Variants in MYO18B observed in about 807,000 individuals in gnomAD.
The protein encoded by MYO18B is myosin XVIIIB, also known as unconventional myosin-XVIIIb.
Under a neutral mutation model 273.0 loss-of-function variants are expected in MYO18B, and 204 were observed. That is an observed-to-expected ratio of 0.75 (90% confidence interval 0.67 to 0.84). MYO18B has a LOEUF of 0.84. MYO18B is among the 40% of genes least tolerant of loss of function. The pLI is 0.00. For synonymous variants in MYO18B, 1,330 were observed against 1,305.7 expected (o/e 1.02, Z -0.40); for missense variants, 3,212 against 3,287.6 (o/e 0.98, Z 0.56).
chr22:25,832,853 CAGA>C, intron 15 of MYO18B, 61 bp from the exon 16 acceptor site: 2 of 1,417,142 alleles, frequency 1.4e-6, no homozygotes, highest in East Asian at 2.3e-5. Context: ...TTTCCTTCTT[CAGA>C]AGTTTTCTTC....
At chr22:26,061,587 GAGGTGGC>G in the MYO18B span, among the ~76,000 whole-genome samples, 1 of 151,534 alleles carries the variant, frequency 6.6e-6, no homozygotes, top group Admixed American at 6.6e-5. Context: ...GGACCCCAGG[GAGGTGGC>G]ACTATCATAG....
At chr22:26,043,303 T>C in the MYO18B span, among the ~76,000 whole-genome samples, 1 of 152,318 alleles carries the variant, frequency 6.6e-6, no homozygotes, top group Admixed American at 6.5e-5. Context: ...TTTATTTTCC[T>C]GTAGATGAAT....
chr22:25,778,760 G>A (rs1265718800), intron 8 of MYO18B, among the ~76,000 whole-genome samples: 3 of 151,638 alleles, frequency 2.0e-5, no homozygotes, highest in Non-Finnish European at 2.9e-5. Flanking sequence ...CAAAAGTGCT[G>A]GGATTATAGG....
intron 4 of MYO18B, 29 bp downstream of exon 4, chr22:25,769,457 A>G: frequency 1.3e-6 from 2 of 1,484,050 alleles, no homozygotes; most frequent in South Asian, 1.4e-5. Flanking sequence ...TGGGAGCGGG[A>G]AGCGGCAGAC....
chr22:25,917,762 T>G (rs995885004), intron 33 of MYO18B, among the ~76,000 whole-genome samples: 3 of 152,226 alleles, frequency 2.0e-5, no homozygotes, highest in African/African-American at 7.2e-5. Context: ...ATTGCTTTCC[T>G]ACTTTTGGAT....
At chr22:25,751,346 T>TGTGAC (rs986016717) in intron 1 of MYO18B, among the ~76,000 whole-genome samples, 1 of 152,236 alleles carries the variant, frequency 6.6e-6, no homozygotes, top group Admixed American at 6.5e-5. Context: ...CGCCCTGTGC[T>TGTGAC]GTGACTAACA....
At chr22:25,979,601 G>T (rs2093128634) in intron 39 of MYO18B, among the ~76,000 whole-genome samples, 1 of 152,114 alleles carries the variant, frequency 6.6e-6, no homozygotes, top group Non-Finnish European at 1.5e-5. Context: ...GCTATTCTTT[G>T]CCCCTTTCTG....
the MYO18B span, among the ~76,000 whole-genome samples, chr22:26,041,352 C>CAAAAAAAAAA: frequency 8.2e-4 from 51 of 62,062 alleles, no homozygotes; most frequent in Middle Eastern, 8.5e-3. Context: ...CTGTCTCTAC[C>CAAAAAAAAAA]AAAAAAAAAA....
At chr22:25,965,219 G>A (rs1400898572) in intron 39 of MYO18B, 1 of 152,248 alleles carries the variant, frequency 6.6e-6, no homozygotes, top group East Asian at 1.9e-4. Context: ...TTACTTTGGG[G>A]TATATCTTCC....
In MYO18B at chr22:25,746,498, C is replaced by T. The variant is rs146406765; in HGVS notation, c.-110+4205C>T. On this transcript the variant is annotated intron_variant, in intron 1 of 43. Coordinates refer to ENST00000335473, the MANE Select transcript of MYO18B (RefSeq NM_032608.7). The stretch of plus-strand genomic sequence containing the variant: ...ATGTGCTTGGAAAAATGTGTAGCAG[C>T]ATCCCTGTCCTTGACCCAGTAGATG... 1.9e-3 allele frequency among the ~76,000 whole-genome samples: 286 copies of T among 152,284 alleles called. 2 individuals are homozygous for T. Among genetic ancestry groups the T allele is most frequent in the African/African-American group, 6.0e-3 (249 of 41,550 alleles).
At chr22:25,810,066 G>C (rs565074573) in intron 12 of MYO18B, among the ~76,000 whole-genome samples, 54 of 148,292 alleles carry the variant, frequency 3.6e-4, no homozygotes, top group African/African-American at 1.2e-3. Flanking sequence ...GGTGACCACT[G>C]TGAACAGTTT....
At chr22:25,982,803 T>C (rs549466064) in intron 39 of MYO18B, among the ~76,000 whole-genome samples, 9 of 152,352 alleles carry the variant, frequency 5.9e-5, no homozygotes, top group African/African-American at 2.2e-4. Flanking sequence ...ATCTGCAAGA[T>C]GCCTTTTGCC....
At chr22:25,795,077 G>A (rs546098506) in intron 11 of MYO18B, among the ~76,000 whole-genome samples, 7 of 152,322 alleles carry the variant, frequency 4.6e-5, no homozygotes, top group South Asian at 2.1e-4. Context: ...ATGTGGCTGC[G>A]TGTCTCAGTG....
In MYO18B at chr22:25,768,220, T is replaced by G. The variant is rs764726184; in HGVS notation, c.304T>G (p.Ser102Ala). 1.9e-6 allele frequency: 3 copies of G among 1,613,888 alleles called. No individual in the cohort carries two copies. The highest frequency in any genetic ancestry group is 2.5e-6 in the Non-Finnish European group (3 of 1,179,872). Residue 102 changes from serine (S) to alanine (A), a missense_variant, in exon 4 of 44, where the codon TCA (serine) becomes GCA (alanine). Coordinates refer to ENST00000335473, the MANE Select transcript of MYO18B (RefSeq NM_032608.7). Reference protein sequence around the residue: ...QDDQSSSPGSSDILGKESEGS... With the variant: ...QDDQSSSPGSADILGKESEGS... ...CGACCAGTCAAGCTCTCCTGGGAGCTCAGACATTCTGGGCAAGGAGAGCGA... is the reference window on the plus strand; with the variant it reads ...CGACCAGTCAAGCTCTCCTGGGAGCGCAGACATTCTGGGCAAGGAGAGCGA...
At chr22:25,759,405 C>T (rs920188260) in intron 1 of MYO18B, among the ~76,000 whole-genome samples, 7 of 151,726 alleles carry the variant, frequency 4.6e-5, no homozygotes, top group Non-Finnish European at 1.5e-5. Flanking sequence ...CCATCATTCT[C>T]AGTAAACTAA....
the MYO18B span, among the ~76,000 whole-genome samples, chr22:26,046,679 C>T: frequency 6.6e-6 from 1 of 152,164 alleles, no homozygotes; most frequent in Non-Finnish European, 1.5e-5. Flanking sequence ...GCCCAATAGC[C>T]AAAGCGATTT....
chr22:25,882,718 G>T (rs1269419952), intron 25 of MYO18B, among the ~76,000 whole-genome samples: 1 of 152,052 alleles, frequency 6.6e-6, no homozygotes, highest in African/African-American at 2.4e-5. Context: ...TGCTACTACT[G>T]GTTTATGTCG....
At chr22:25,891,176 T>C in intron 26 of MYO18B, 128 bp from the exon 27 acceptor site, 1 of 767,468 alleles carries the variant, frequency 1.3e-6, no homozygotes, top group Non-Finnish European at 2.1e-6. Flanking sequence ...CCCATGGTCC[T>C]GGATTCTGCA....
intron 34 of MYO18B, among the ~76,000 whole-genome samples, chr22:25,932,530 T>C (rs2092520752): frequency 6.6e-6 from 1 of 151,900 alleles, no homozygotes. Context: ...TGTCTCAGCC[T>C]CCCAAGTAGC....
Sources: allele counts gnomAD v4.1 joint callset (sites outside exome capture counted in the v4.1 genomes callset), GRCh38; gene constraint gnomAD v4.1.1; transcripts MANE v1.5; gene names NCBI Gene and HGNC (gene_info 2026-07-23, HGNC 2026-07-21).